The following FAT2 variants were observed in gnomAD, a reference collection of about 807,000 sequenced individuals.
The protein encoded by FAT2 is protocadherin Fat 2.
A neutral mutation model predicts 295.3 loss-of-function variants in FAT2; 150 were observed. The observed-to-expected ratio is 0.51, with a 90% CI of 0.44 to 0.58. The LOEUF (loss-of-function observed/expected upper bound fraction) is 0.58, where lower values mean the gene tolerates loss of function less well. FAT2 is among the 20% of genes least tolerant of loss of function. FAT2 has a pLI of 0.00. For synonymous variants in FAT2, 2,026 were observed against 2,150.3 expected, an observed-to-expected ratio of 0.94 and a Z score of 1.60; for missense variants, 4,868 against 5,442.7, an observed-to-expected ratio of 0.89 and a Z score of 3.32.
rs140966881 is a variant in FAT2, at chr5:151,507,524, T to C, written c.12147A>G (p.Leu4049=). ...IQRGDWGQQE[L]LIITVAVAFI... The stretch of plus-strand genomic sequence containing the variant: ...ACGCCACGGCCACTGTGATGATCAG[T>C]AACTCCTGCTGCCCCCAGTCCCCCC... Residue 4049 remains leucine (L), a synonymous_variant, in exon 23 of 24, where the codon TTA becomes TTG. Transcript: ENST00000261800. 100 of 1,614,004 alleles carry C rather than the reference T, an allele frequency of 6.2e-5. No homozygotes were observed. Among genetic ancestry groups the C allele is most frequent in the Non-Finnish European group, 8.1e-5 (96 of 1,180,028 alleles).
intron 3 of FAT2, among the ~76,000 whole-genome samples, chr5:151,561,440 G>A (rs114188634): frequency 3.0e-3 from 453 of 152,148 alleles, no homozygotes; most frequent in African/African-American, 0.011. Flanking sequence ...ACCCAGGCTG[G>A]AGACCAGTGA....
In FAT2 at chr5:151,545,139, A is replaced by G. The variant is rs754934923; in HGVS notation, c.5988T>C (p.His1996=). 4 of 1,614,218 alleles carry G rather than the reference A, an allele frequency of 2.5e-6. No homozygotes were observed. Among genetic ancestry groups the G allele is most frequent in the South Asian group, 1.1e-5 (1 of 91,076 alleles). Reference sequence around the variant, plus strand: ...GAAAGTAGGAAAGGGTGTCATTCAAATGATTGCCCTGGGCACCAAGAATCA... The same window carrying G: ...GAAAGTAGGAAAGGGTGTCATTCAAGTGATTGCCCTGGGCACCAAGAATCA... ...ALVILGAQGN[H]LNDTLSYFLL... Residue 1996 remains histidine (H), a synonymous_variant, in exon 10 of 24, where the codon CAT becomes CAC. Coordinates refer to ENST00000261800, the MANE Select transcript of FAT2 (RefSeq NM_001447.3).
intron 17 of FAT2, 103 bp downstream of exon 17, chr5:151,527,131 C>A: frequency 8.2e-7 from 1 of 1,225,594 alleles, no homozygotes; most frequent in South Asian, 1.5e-5. Flanking sequence ...GTGGCAAAGT[C>A]ACAGTCATTG....
At chr5:151,572,706 A>G (rs1758579164) in intron 1 of FAT2, among the ~76,000 whole-genome samples, 3 of 152,250 alleles carry the variant, frequency 2.0e-5, no homozygotes, top group Admixed American at 2.0e-4. Flanking sequence ...CTCAAGACAT[A>G]TTCGTTATTA....
intron 1 of FAT2, among the ~76,000 whole-genome samples, chr5:151,573,257 A>G (rs570302699): frequency 2.0e-5 from 3 of 152,370 alleles, no homozygotes; most frequent in Middle Eastern, 3.4e-3. Context: ...GTTAATGCAC[A>G]TAAGTGCCGA....
At chr5:151,561,305 GGA>G (rs1399562288) in intron 3 of FAT2, among the ~76,000 whole-genome samples, 4 of 152,236 alleles carry the variant, frequency 2.6e-5, no homozygotes, top group Non-Finnish European at 5.9e-5. Context: ...AGGGGCAGCA[GGA>G]GAGGGGCAAG....
At chr5:151,540,280 TG>T (rs1755981384) in intron 11 of FAT2, among the ~76,000 whole-genome samples, 1 of 152,306 alleles carries the variant, frequency 6.6e-6, no homozygotes, top group African/African-American at 2.4e-5. Flanking sequence ...TGAGGCTTGC[TG>T]GGGAGAAGCA....
chr5:151,511,938 C>A lies in FAT2; in HGVS notation c.11905+227G>T, dbSNP rs886994424. On this transcript the variant is annotated intron_variant, in intron 21 of 23. Coordinates refer to ENST00000261800, the MANE Select transcript of FAT2 (RefSeq NM_001447.3). ...CCCCTGAGGTCCCCATTCATATCCT[C>A]CCTCATCCCCCCAGAAGTAGAAAGA... 7.1e-6 allele frequency: 4 copies of A among 565,502 alleles called. No individual in the cohort carries two copies. The African/African-American group carries it at 7.5e-5, about 11-fold the overall frequency. The allele number at this position is 565,502 out of a possible 1,614,324, so 35.0% of individuals were successfully genotyped here.
intron 1 of FAT2, among the ~76,000 whole-genome samples, chr5:151,580,415 T>C (rs1027369636): frequency 6.6e-6 from 1 of 152,208 alleles, no homozygotes; most frequent in Non-Finnish European, 1.5e-5. Context: ...AACACATGCA[T>C]GTATGACATT....
At position 151,543,144 on chromosome 5, in the gene FAT2, G is replaced by A; in HGVS notation, c.7983C>T (p.Ile2661=). The A allele has an allele frequency of 6.2e-7, 1 of 1,614,152 alleles. No homozygotes were observed. Among genetic ancestry groups the A allele is most frequent in the South Asian group, 1.1e-5 (1 of 91,080 alleles). ...GLENQTLDFF[I]KAQDGGPPHW... is the part of the protein sequence containing the mutation. ...GAGGAGGGCCTCCATCTTGGGCTTT[G>A]ATGAAGAAGTCAAGGGTCTGATTTT... The change falls in exon 10 of 24, where the codon ATC becomes ATT. Residue 2661 remains isoleucine, a synonymous_variant. Transcript: ENST00000261800.
At chr5:151,579,057 AG>A (rs1241276747) in intron 1 of FAT2, among the ~76,000 whole-genome samples, 1 of 152,190 alleles carries the variant, frequency 6.6e-6, no homozygotes, top group African/African-American at 2.4e-5. Context: ...CTTAAGCCAG[AG>A]GGAACACCAG....
chr5:151,529,103 G>A, intron 15 of FAT2, 75 bp downstream of exon 15: 1 of 1,242,904 alleles, frequency 8.0e-7, no homozygotes, highest in South Asian at 1.2e-5. Context: ...GCTCATAGAT[G>A]GCTGGGTGTG....
chr5:151,565,402 TA>T (rs1355590231), intron 2 of FAT2, among the ~76,000 whole-genome samples: 1 of 152,036 alleles, frequency 6.6e-6, no homozygotes, highest in African/African-American at 2.4e-5. Context: ...AAATTTTATA[TA>T]AAAAATTTAT....
At chr5:151,529,961 TTTTTG>T (rs1198146474) in intron 14 of FAT2, among the ~76,000 whole-genome samples, 1 of 152,248 alleles carries the variant, frequency 6.6e-6, no homozygotes, top group African/African-American at 2.4e-5. Context: ...GACACTCTGC[TTTTTG>T]TTTTATTTTA....
chr5:151,520,507 G>A (rs1753335750), intron 19 of FAT2, among the ~76,000 whole-genome samples: 1 of 152,212 alleles, frequency 6.6e-6, no homozygotes, highest in African/African-American at 2.4e-5. Context: ...CACAGAGTGT[G>A]GCGTACAGCA....
chr5:151,522,026 C>G lies in FAT2; in HGVS notation c.10567G>C (p.Glu3523Gln). 6.2e-7 allele frequency: 1 copy of G among 1,612,706 alleles called. No individual in the cohort carries two copies. The highest frequency in any genetic ancestry group is 1.1e-5 in the South Asian group (1 of 91,030). The stretch of plus-strand genomic sequence containing the variant: ...GCAGAAGGTGCATAGTGGCTCTGCT[C>G]TGTGACATGGACACGGACAGACGTC... ...SLTSVRVHVT[E>Q]QSHYAPSALP... The change falls in exon 19 of 24, where the codon GAG becomes CAG. Residue 3523 changes from glutamate (E) to glutamine (Q), a missense_variant. This residue lies in a region of FAT2 where 1,046 missense variants were observed against 1,210.1 expected (regional missense o/e 0.86). Coordinates refer to ENST00000261800, the MANE Select transcript of FAT2 (RefSeq NM_001447.3).
Position 151,522,023 on chromosome 5 carries a change from G to A in FAT2, c.10570C>T (p.Gln3524Ter). The stretch of plus-strand genomic sequence containing the variant: ...AGAGCAGAAGGTGCATAGTGGCTCT[G>A]CTCTGTGACATGGACACGGACAGAC... The part of the protein sequence containing the change: ...LTSVRVHVTE[Q>*]SHYAPSALPL... The change falls in exon 19 of 24, where the codon CAG becomes TAG. Residue 3524 changes from glutamine (Q) to a stop codon, truncating the protein, a stop_gained. Transcript: ENST00000261800. LOFTEE classifies it high-confidence loss of function. The A allele has an allele frequency of 3.1e-6, 5 of 1,613,236 alleles. No individual in the cohort carries two copies. The highest frequency in any genetic ancestry group is 3.4e-6 in the Non-Finnish European group (4 of 1,179,268).
Position 151,544,749 on chromosome 5 carries a change from T to C in FAT2, c.6378A>G (p.Ser2126=). 2 of 1,614,164 alleles carry C rather than the reference T, an allele frequency of 1.2e-6. No individual in the cohort carries two copies. Among genetic ancestry groups the C allele is most frequent in the Non-Finnish European group, 1.7e-6 (2 of 1,180,028 alleles). Residue 2126 remains serine, a synonymous_variant, in exon 10 of 24, where the codon TCA becomes TCG. Coordinates refer to ENST00000261800, the MANE Select transcript of FAT2 (RefSeq NM_001447.3). ...FRIDPYLGDI[S]LKKPFDYQAL... ...CTTGATAATCAAAGGGTTTCTTGAG[T>C]GATATGTCCCCAAGATAGGGGTCAA...
chr5:151,578,995 G>A (rs1398556427), intron 1 of FAT2, among the ~76,000 whole-genome samples: 3 of 152,208 alleles, frequency 2.0e-5, no homozygotes, highest in African/African-American at 7.2e-5. Flanking sequence ...TGAGGGTGGG[G>A]ATTGGGAAGA....
Sources: gnomAD v4.1 joint callset for allele counts (sites outside exome capture counted in the v4.1 genomes callset) on GRCh38, gnomAD v4.1.1 for gene constraint, gnomAD v4.1.1 regional missense constraint, MANE v1.5 for transcripts, NCBI Gene and HGNC (gene_info 2026-07-23, HGNC 2026-07-21) for gene names.